The following SND1 variants were observed in gnomAD, a reference collection of about 807,000 sequenced individuals.
The protein encoded by SND1 is staphylococcal nuclease domain-containing protein 1.
A neutral mutation model predicts 121.7 loss-of-function variants in SND1; 38 were observed. That is an observed-to-expected ratio of 0.31 (90% confidence interval 0.24 to 0.41). The LOEUF is 0.41. SND1 is among the 10% of genes least tolerant of loss of function. The pLI is 1.00. For synonymous variants in SND1, 401 were observed against 447.4 expected, an observed-to-expected ratio of 0.90 and a Z score of 1.31; for missense variants, 868 against 1,184.6, an observed-to-expected ratio of 0.73 and a Z score of 3.92.
At chr7:127,680,624 T>C (rs1250923208) in intron 1 of SND1, among the ~76,000 whole-genome samples, 1 of 151,976 alleles carries the variant, frequency 6.6e-6, no homozygotes, top group Non-Finnish European at 1.5e-5. Context: ...TTTAAGGTTC[T>C]CTCTCTTGTT....
rs540409893 is a variant in SND1 at position 128,079,830 on chromosome 7, G to GGGAC, written c.1969-1529_1969-1526dup. ...TCAAATGGCAAGTTCAAAAACAACA[G>GGGAC]GGACATAAGTCCTCATCTCCCTCCC... On this transcript the variant is annotated intron_variant, in intron 17 of 23. Coordinates refer to ENST00000354725, the MANE Select transcript of SND1 (RefSeq NM_014390.4). Among the ~76,000 whole-genome samples, 34 of 152,308 alleles carry GGGAC rather than the reference G, an allele frequency of 2.2e-4. No homozygotes were observed. The South Asian group carries it at 7.0e-3, about 32-fold the overall frequency.
chr7:127,688,014 C>T (rs1393921312), intron 2 of SND1, among the ~76,000 whole-genome samples: 3 of 152,106 alleles, frequency 2.0e-5, no homozygotes, highest in Admixed American at 6.5e-5. Context: ...GGGATCCATG[C>T]ACCTCTGAAG....
chr7:127,751,558 A>G (rs990168474), intron 10 of SND1, among the ~76,000 whole-genome samples: 1 of 151,984 alleles, frequency 6.6e-6, no homozygotes, highest in Non-Finnish European at 1.5e-5. Context: ...GAAGTTGGCT[A>G]GAGAGAGAGT....
At chr7:127,964,731 T>A (rs1193330) in intron 15 of SND1, among the ~76,000 whole-genome samples, 7 of 142,960 alleles carry the variant, frequency 4.9e-5, no homozygotes, top group East Asian at 2.0e-4. Context: ...TTGACTTGGC[T>A]ATGCGGGCTG....
intron 11 of SND1, among the ~76,000 whole-genome samples, chr7:127,823,416 T>G (rs920088693): frequency 2.0e-5 from 3 of 152,136 alleles, no homozygotes; most frequent in African/African-American, 7.2e-5. Context: ...TTTTCTGAGT[T>G]TCTTGACACA....
At chr7:127,940,895 C>T (rs1292701664) in intron 15 of SND1, among the ~76,000 whole-genome samples, 6 of 152,196 alleles carry the variant, frequency 3.9e-5, no homozygotes, top group South Asian at 2.1e-4. Flanking sequence ...CTTGAGGAGG[C>T]GTCATAGTTT....
chr7:127,991,052 G>A lies in SND1; in HGVS notation c.1775G>A (p.Arg592Gln), dbSNP rs757018109. The change falls in exon 16 of 24, where the codon CGA (arginine) becomes CAA (glutamine). Residue 592 changes from arginine to glutamine, a missense_variant. Arg to Gln is a conservative substitution (Grantham distance 43). Coordinates refer to ENST00000354725, the MANE Select transcript of SND1 (RefSeq NM_014390.4). ...TLFTKELVLQREVEVEVESMD... is the reference protein window; with the variant it reads ...TLFTKELVLQQEVEVEVESMD... ...TTCACCAAGGAACTGGTGCTGCAGC[G>A]AGAGGTAGGACATCTTCCTGTTGCT... 1.9e-5 allele frequency: 30 copies of A among 1,610,618 alleles called. No individual in the cohort carries two copies. The highest frequency in any genetic ancestry group is 1.6e-4 in the Middle Eastern group (1 of 6,074).
chr7:127,696,000 A>G (rs1477479208), intron 3 of SND1, among the ~76,000 whole-genome samples: 1 of 152,160 alleles, frequency 6.6e-6, no homozygotes. Context: ...ATGTTGAAAG[A>G]GGAATTGGTA....
At chr7:127,685,690 G>A (rs1330100946) in intron 1 of SND1, among the ~76,000 whole-genome samples, 4 of 152,208 alleles carry the variant, frequency 2.6e-5, no homozygotes, top group African/African-American at 9.7e-5. Context: ...GATGAAAGGA[G>A]CCACTGACTG....
intron 11 of SND1, among the ~76,000 whole-genome samples, chr7:127,834,414 T>A (rs1798827558): frequency 6.6e-6 from 1 of 152,082 alleles, no homozygotes; most frequent in South Asian, 2.1e-4. Flanking sequence ...AGGAGTTGGT[T>A]GTGTGCCTGT....
chr7:127,737,481 A>G (rs570574188), intron 10 of SND1, among the ~76,000 whole-genome samples: 2 of 152,324 alleles, frequency 1.3e-5, no homozygotes, highest in East Asian at 3.9e-4. Context: ...AGGCTGAGAC[A>G]GGAGAATCGC....
intron 16 of SND1, among the ~76,000 whole-genome samples, chr7:128,003,780 A>G (rs961139103): frequency 6.6e-6 from 1 of 152,240 alleles, no homozygotes; most frequent in South Asian, 2.1e-4. Context: ...GGAATTGAAG[A>G]TGCCTTGTGG....
At chr7:127,743,127 C>T (rs1796913381) in intron 10 of SND1, among the ~76,000 whole-genome samples, 1 of 152,164 alleles carries the variant, frequency 6.6e-6, no homozygotes, top group African/African-American at 2.4e-5. Flanking sequence ...AAGCCAATCT[C>T]CTACCCAGAC....
intron 16 of SND1, among the ~76,000 whole-genome samples, chr7:127,994,985 G>A (rs1221722358): frequency 6.6e-6 from 1 of 152,062 alleles, no homozygotes; most frequent in Non-Finnish European, 1.5e-5. Context: ...GCCTCCCAAA[G>A]TGCTGGGATT....
At chr7:127,694,609 G>C (rs1795975852) in intron 2 of SND1, 1 of 483,418 alleles carries the variant, frequency 2.1e-6, no homozygotes, top group Non-Finnish European at 3.6e-6. Flanking sequence ...TTTAGTGTCT[G>C]TGTTAGTTAA....
chr7:128,066,256 T>A (rs1793312416), intron 16 of SND1, among the ~76,000 whole-genome samples: 1 of 152,182 alleles, frequency 6.6e-6, no homozygotes, highest in Non-Finnish European at 1.5e-5. Flanking sequence ...CCTGAGCTTC[T>A]AGAGCCAGCT....
chr7:127,803,332 C>T (rs938495367), intron 10 of SND1, among the ~76,000 whole-genome samples: 2 of 152,118 alleles, frequency 1.3e-5, no homozygotes, highest in Admixed American at 6.5e-5. Flanking sequence ...TTCTTTTTTC[C>T]ATTTCACTTA....
intron 12 of SND1, among the ~76,000 whole-genome samples, chr7:127,872,679 A>T (rs1799619877): frequency 6.6e-6 from 1 of 151,014 alleles, no homozygotes; most frequent in African/African-American, 2.4e-5. Context: ...CGACTCTGCC[A>T]CGCAGTGAAT....
In SND1 at chr7:127,707,798, TG is replaced by T; in HGVS notation, c.1038+152del. The T allele has an allele frequency of 4.9e-6, 3 of 611,272 alleles. No individual in the cohort carries two copies. In the Admixed American group the frequency reaches 8.1e-5, roughly 17 times the overall value. The allele number at this position is 611,272 out of a possible 1,614,324, so 37.9% of individuals were successfully genotyped here. A position where few individuals can be genotyped will look rare whatever the true frequency, so the allele number is the denominator to read the frequency against. Reference sequence around the variant, plus strand: ...GTGTGTGTGTGTGTGTGTGTGTGTGTGTGTGTGTGTGTGTTTATTGTAGGGG... The same window carrying T: ...GTGTGTGTGTGTGTGTGTGTGTGTGTTGTGTGTGTGTGTTTATTGTAGGGG... On this transcript the variant is annotated intron_variant, in intron 9 of 23. Transcript: ENST00000354725.
Sources: gnomAD v4.1 joint callset for allele counts (sites outside exome capture counted in the v4.1 genomes callset) on GRCh38, gnomAD v4.1.1 for gene constraint, MANE v1.5 for transcripts, NCBI Gene and HGNC (gene_info 2026-07-23, HGNC 2026-07-21) for gene names.